Variants in SBF1 observed in about 807,000 individuals in gnomAD.
SBF1 encodes the protein SET binding factor 1.
In SBF1, 65 loss-of-function variants were observed where a neutral mutation model predicts 215.8. The ratio of observed to expected loss-of-function variants is 0.30; its 90% confidence interval spans 0.25 to 0.37. SBF1 has a LOEUF of 0.37. Ranked by LOEUF, SBF1 falls within the 10% of genes least tolerant of loss-of-function variation. The pLI, the probability that SBF1 is intolerant of heterozygous loss-of-function variation, is 1.00. For missense variants in SBF1, 2,634 were observed against 2,667.8 expected (o/e 0.99, Z 0.28); for synonymous variants, 1,410 against 1,122.8 (o/e 1.26, Z -5.11).
rs563111536 is a variant in SBF1 at position 50,474,701 on chromosome 22, C to G, written c.55+85G>C. ...CCCCCAGCCCTCGGCCCCCAGCCCC[C>G]GGCCCTCGACCCTCAGACCCAGCCC... On this transcript the variant is annotated intron_variant, in intron 1 of 40. Coordinates refer to ENST00000380817, the MANE Select transcript of SBF1 (RefSeq NM_002972.4). 1,444 of 1,193,678 alleles carry G rather than the reference C, an allele frequency of 1.2e-3. 18 individuals are homozygous for G. In the African/African-American group the frequency reaches 0.022, roughly 18 times the overall value. 73.9% of individuals were successfully genotyped at this position (1,193,678 alleles called of 1,614,324 possible).
rs1178067053 is a variant in SBF1, at chr22:50,446,371, C to CT, written c.*770_*771insA. 6 of 112,472 alleles carry CT rather than the reference C, an allele frequency of 5.3e-5. No homozygotes were observed. The highest frequency in any genetic ancestry group is 2.2e-4 in the African/African-American group (6 of 27,864). 7.0% of individuals were successfully genotyped at this position (112,472 alleles called of 1,614,324 possible). Reference sequence around the variant, plus strand: ...GAGCCCACTGTCCCCCCCCCCCCCCCGCCTCCGGCCTCCATCCCTTCAGCT... The same window carrying CT: ...GAGCCCACTGTCCCCCCCCCCCCCCCTGCCTCCGGCCTCCATCCCTTCAGCT... On this transcript the variant is annotated 3_prime_UTR_variant, in exon 41 of 41. Coordinates refer to ENST00000380817, the MANE Select transcript of SBF1 (RefSeq NM_002972.4).
intron 23 of SBF1, 121 bp from the exon 24 acceptor site, chr22:50,460,833 C>G (rs1423256108): frequency 4.4e-6 from 5 of 1,125,724 alleles, no homozygotes; most frequent in Non-Finnish European, 6.4e-6. Context: ...AGGCCCCAGG[C>G]AAAGGCCTGT....
chr22:50,470,644 T>C (rs976110566), intron 1 of SBF1, among the ~76,000 whole-genome samples: 2 of 152,006 alleles, frequency 1.3e-5, no homozygotes, highest in African/African-American at 4.8e-5. Flanking sequence ...AGGACCGACC[T>C]CCCTCCACCA....
Position 50,459,677 on chromosome 22 carries a change from G to A in SBF1, c.3492-11C>T, listed in dbSNP as rs568569627. ...AGCAGCCCTGGGTAGCTGAGAGGAG[G>A]CAGAGGCGTGAAGGTGGCTGGCGAC... On this transcript the variant is annotated splice_polypyrimidine_tract_variant and intron_variant, in intron 26 of 40. Coordinates refer to ENST00000380817, the MANE Select transcript of SBF1 (RefSeq NM_002972.4). 50 of 1,595,318 alleles carry A rather than the reference G, an allele frequency of 3.1e-5. No homozygotes were observed. The highest frequency in any genetic ancestry group is 4.3e-5 in the Non-Finnish European group (50 of 1,173,350).
Position 50,447,532 on chromosome 22 carries a change from G to T in SBF1, c.5441C>A (p.Thr1814Asn). The T allele has an allele frequency of 6.2e-7, 1 of 1,613,236 alleles. No homozygotes were observed. The highest frequency in any genetic ancestry group is 8.5e-7 in the Non-Finnish European group (1 of 1,179,568). The change falls in exon 39 of 41, where the codon ACC (threonine) becomes AAC (asparagine). Residue 1814 changes from threonine to asparagine, a missense_variant. Thr to Asn is a moderately conservative substitution (Grantham distance 65, BLOSUM62 0). Transcript: ENST00000380817. ...CACCTGATCACTCACCTGGTGCTTG[G>T]TCTTGTCCAGCACGAACCAGCGGGC... The part of the protein sequence containing the change: ...WKARWFVLDK[T>N]KHQLRYYDHR...
Position 50,454,540 on chromosome 22 carries a change from T to C in SBF1, c.5015A>G (p.Gln1672Arg). The change falls in exon 36 of 41, where the codon CAG (glutamine) becomes CGG (arginine). Residue 1672 changes from glutamine to arginine, a missense_variant. Coordinates refer to ENST00000380817, the MANE Select transcript of SBF1 (RefSeq NM_002972.4). ...CAGCAGGCGTGAGATGGCGTCAGGC[T>C]GGGCCCGCGGGCAGCTGTCGTAACA... ...WPCYDSCPRA[Q>R]PDAISRLLEE... The C allele has an allele frequency of 6.2e-7, 1 of 1,610,840 alleles. No individual in the cohort carries two copies. Among genetic ancestry groups the C allele is most frequent in the Non-Finnish European group, 8.5e-7 (1 of 1,179,898 alleles).
rs181592998 is a variant in SBF1 at position 50,465,205 on chromosome 22, G to A, written c.1203+10C>T. ...TCTCCTACCCCACGCCCAGCCACCAGGCACCCCACCTTATGGAAGCGGATG... is the reference window on the plus strand; with the variant it reads ...TCTCCTACCCCACGCCCAGCCACCAAGCACCCCACCTTATGGAAGCGGATG... On this transcript the variant is annotated intron_variant, in intron 11 of 40. Coordinates refer to ENST00000380817, the MANE Select transcript of SBF1 (RefSeq NM_002972.4). 1.2e-3 allele frequency: 1,952 copies of A among 1,612,628 alleles called. 17 individuals carry two copies. Among genetic ancestry groups the A allele is most frequent in the East Asian group, 3.4e-3 (153 of 44,826 alleles).
Position 50,464,735 on chromosome 22 carries a change from T to C in SBF1, c.1435A>G (p.Asn479Asp). ...TGCATCGCCACGGCTGGGTACGGGT[T>C]CTCCTGTGGGGAGACGGCAGGTGTG... ...ELAEQLYKNE[N>D]PYPAVAMHKV... Residue 479 changes from asparagine (N) to aspartate (D), a missense_variant, in exon 14 of 41, where the codon AAC becomes GAC. Transcript: ENST00000380817. 1.9e-6 allele frequency: 3 copies of C among 1,608,106 alleles called. No individual in the cohort carries two copies. Among genetic ancestry groups the C allele is most frequent in the East Asian group, 4.5e-5 (2 of 44,772 alleles).
At chr22:50,468,604 T>G in intron 1 of SBF1, 143 bp from the exon 2 acceptor site, 1 of 593,136 alleles carries the variant, frequency 1.7e-6, no homozygotes, top group East Asian at 3.1e-5. Context: ...AATAGCTCCG[T>G]ATGGAGAGTC....
At chr22:50,468,594 A>C in intron 1 of SBF1, 133 bp from the exon 2 acceptor site, 6 of 593,612 alleles carry the variant, frequency 1.0e-5, no homozygotes, top group Non-Finnish European at 1.5e-5. Flanking sequence ...GCTCCCTAAA[A>C]ATAGCTCCGT....
Position 50,468,481 on chromosome 22 carries a change from G to T in SBF1, c.56-20C>A. On this transcript the variant is annotated intron_variant, in intron 1 of 40. Transcript: ENST00000380817. ...CACTCCCTGAGGACAAGAACAGGGG[G>T]TCAGAGCACCCAACCCGCCCCCCAC... 1.9e-6 allele frequency: 3 copies of T among 1,559,388 alleles called. No individual in the cohort carries two copies. The highest frequency in any genetic ancestry group is 1.7e-6 in the Non-Finnish European group (2 of 1,148,028).
rs373741978 is a variant in SBF1 at position 50,446,879 on chromosome 22, G to A, written c.*263C>T. ...GCAGCCGCTGGCTGGACCAGCACAC[G>A]CTGACGGGGCCGGACTATTTACAGG... On this transcript the variant is annotated 3_prime_UTR_variant, in exon 41 of 41. Transcript: ENST00000380817. The A allele has an allele frequency of 7.3e-5, 54 of 743,612 alleles. No individual in the cohort carries two copies. Among genetic ancestry groups the A allele is most frequent in the African/African-American group, 3.4e-4 (20 of 58,860 alleles). 46.1% of individuals were successfully genotyped at this position (743,612 alleles called of 1,614,324 possible). A position where few individuals can be genotyped will look rare whatever the true frequency, so the allele number is the denominator to read the frequency against.
rs772909114 is a variant in SBF1, at chr22:50,462,213, G to A, written c.2388C>T (p.Val796=). 10 of 1,607,176 alleles carry A rather than the reference G, an allele frequency of 6.2e-6. No homozygotes were observed. The highest frequency in any genetic ancestry group is 1.7e-5 in the Admixed American group (1 of 60,030). Residue 796 remains valine (V), a synonymous_variant, in exon 19 of 41, where the codon GTC becomes GTT. Coordinates refer to ENST00000380817, the MANE Select transcript of SBF1 (RefSeq NM_002972.4). ...CCCAGTCCCTGCCTCACCTGTTGGT[G>A]ACCAGGCTGTTGCTGGCGCTCTCCA... is the stretch of plus-strand genomic sequence containing the variant. ...GDLESASNSL[V]TNSMAGSVAE...
chr22:50,464,504 G>T, intron 14 of SBF1, 30 bp downstream of exon 14: 1 of 1,603,106 alleles, frequency 6.2e-7, no homozygotes, highest in Non-Finnish European at 8.5e-7. Context: ...GCCACGCTCG[G>T]GGCCTGCCTT....
Position 50,455,092 on chromosome 22 carries a change from C to T in SBF1, c.4605G>A (p.Lys1535=), listed in dbSNP as rs771711188. The T allele has an allele frequency of 6.2e-7, 1 of 1,614,126 alleles. No homozygotes were observed. Among genetic ancestry groups the T allele is most frequent in the South Asian group, 1.1e-5 (1 of 91,086 alleles). Residue 1535 remains lysine (K), a synonymous_variant, in exon 34 of 41, where the codon AAG becomes AAA. Coordinates refer to ENST00000380817, the MANE Select transcript of SBF1 (RefSeq NM_002972.4). ...GGGACACATGGTGGTAGCCGAGGAA[C>T]TTGAGGTAGAACTGGCTGAACTCAA... ...MEFEFSQFYL[K]FLGYHHVSRR... is the part of the protein sequence containing the mutation.
At position 50,447,600 on chromosome 22, in the gene SBF1, C is replaced by G; in HGVS notation, c.5373G>C (p.Glu1791Asp). Residue 1791 changes from glutamate (E) to aspartate (D), a missense_variant, in exon 39 of 41, where the codon GAG (glutamate) becomes GAC (aspartate). Glu to Asp is a conservative substitution (Grantham distance 45, BLOSUM62 2). Transcript: ENST00000380817. ...QTAESENRSY[E>D]GTLYKKGAFM... ...AGGCCCCCTTCTTGTACAGAGTGCC[C>G]TCGTAGGACCTGCATTTCCAGCAGA... 6.2e-7 allele frequency: 1 copy of G among 1,609,764 alleles called. No homozygotes were observed. Among genetic ancestry groups the G allele is most frequent in the Non-Finnish European group, 8.5e-7 (1 of 1,178,420 alleles).
Position 50,454,662 on chromosome 22 carries a change from G to C in SBF1, c.4893C>G (p.Pro1631=), listed in dbSNP as rs2067176409. 2 of 1,584,048 alleles carry C rather than the reference G, an allele frequency of 1.3e-6. No individual in the cohort carries two copies. Among genetic ancestry groups the C allele is most frequent in the African/African-American group, 2.7e-5 (2 of 73,918 alleles). Residue 1631 remains proline, a synonymous_variant, in exon 36 of 41, where the codon CCC becomes CCG. Coordinates refer to ENST00000380817, the MANE Select transcript of SBF1 (RefSeq NM_002972.4). The part of the protein sequence containing the change: ...YTEETLAEGP[P]YDWELAQGPP... ...GCCCCTGGGCCAGTTCCCAGTCATA[G>C]GGAGGGCCCTCGGCCAGCGTCTCCT...
Position 50,467,332 on chromosome 22 carries a change from A to G in SBF1, c.549+6T>C. 6.2e-7 allele frequency: 1 copy of G among 1,612,622 alleles called. No homozygotes were observed. The highest frequency in any genetic ancestry group is 8.5e-7 in the Non-Finnish European group (1 of 1,179,068). ...TGTGCAGATACCAGCTGCCTCCAAAACTCACCTGCGAGCCCCCAGCCAGGG... is the reference window on the plus strand; with the variant it reads ...TGTGCAGATACCAGCTGCCTCCAAAGCTCACCTGCGAGCCCCCAGCCAGGG... On this transcript the variant is annotated splice_donor_region_variant and intron_variant, in intron 5 of 40. Transcript: ENST00000380817.
At position 50,445,959 on chromosome 22, in the gene SBF1, T is replaced by TTCTC. The variant is rs1205578320; in HGVS notation, c.*1179_*1182dup. 2 of 153,886 alleles carry TTCTC rather than the reference T, an allele frequency of 1.3e-5. No homozygotes were observed. The highest frequency in any genetic ancestry group is 2.4e-5 in the African/African-American group (1 of 41,470). 9.5% of individuals were successfully genotyped at this position (153,886 alleles called of 1,614,324 possible). On this transcript the variant is annotated 3_prime_UTR_variant, in exon 41 of 41. Coordinates refer to ENST00000380817, the MANE Select transcript of SBF1 (RefSeq NM_002972.4). ...CTGAGGGACCCAGCCTCTAGCCAGG[T>TTCTC]TCTCTGCCCCTCACCAGCCCCTCTG...
Sources: allele counts gnomAD v4.1 joint callset (sites outside exome capture counted in the v4.1 genomes callset), GRCh38; gene constraint gnomAD v4.1.1; transcripts MANE v1.5; gene names NCBI Gene and HGNC (gene_info 2026-07-23, HGNC 2026-07-21).